NBAS: variants seen among roughly 807,000 people sequenced by gnomAD.
NBAS encodes the protein NBAS subunit of NRZ tethering complex.
NBAS carries 219 observed loss-of-function variants against 302.5 expected under a neutral mutation model. That is an observed-to-expected ratio of 0.72 (90% CI 0.65 to 0.81). The LOEUF (loss-of-function observed/expected upper bound fraction) is 0.81, where lower values mean the gene tolerates loss of function less well. Ranked by LOEUF, NBAS falls within the 30% of genes least tolerant of loss-of-function variation. The pLI is 0.00. For synonymous variants in NBAS, 1,118 were observed against 1,021.6 expected, an observed-to-expected ratio of 1.09 and a Z score of -1.80; for missense variants, 2,932 against 2,841.6, an observed-to-expected ratio of 1.03 and a Z score of -0.72.
chr2:15,278,930 A>G (rs985721363), intron 42 of NBAS, among the ~76,000 whole-genome samples: 3 of 152,216 alleles, frequency 2.0e-5, no homozygotes, highest in African/African-American at 7.2e-5. Flanking sequence ...CGCCTGTACA[A>G]GGAACAGTGA....
Position 15,415,727 on chromosome 2 carries a change from T to C in NBAS, c.2764-8A>G, listed in dbSNP as rs761756474. On this transcript the variant is annotated splice_polypyrimidine_tract_variant and splice_region_variant and intron_variant, in intron 24 of 51. Coordinates refer to ENST00000281513, the MANE Select transcript of NBAS (RefSeq NM_015909.4). ...ATATTTATCCTCAGAACACTGAAAG[T>C]ACAATCAAGCAAAACAGACAAACAA... The C allele has an allele frequency of 1.2e-6, 2 of 1,614,020 alleles. No homozygotes were observed. The highest frequency in any genetic ancestry group is 1.7e-6 in the Non-Finnish European group (2 of 1,179,928).
the NBAS span, among the ~76,000 whole-genome samples, chr2:14,943,837 T>C: frequency 2.0e-5 from 3 of 151,930 alleles, no homozygotes; most frequent in African/African-American, 7.3e-5. Context: ...TATTTTCCAA[T>C]AGGATTTGAG....
chr2:14,909,567 C>T, the NBAS span, among the ~76,000 whole-genome samples: 2 of 152,132 alleles, frequency 1.3e-5, no homozygotes. Flanking sequence ...CTACCAGAAT[C>T]TCATGATTCT....
intron 38 of NBAS, 65 bp from the exon 39 acceptor site, chr2:15,309,312 C>T: frequency 2.2e-6 from 3 of 1,357,168 alleles, no homozygotes; most frequent in Non-Finnish European, 3.1e-6. Flanking sequence ...TTATTAAATG[C>T]CATGTTTTCA....
chr2:15,019,286 A>G, the NBAS span, among the ~76,000 whole-genome samples: 1 of 152,206 alleles, frequency 6.6e-6, no homozygotes, highest in African/African-American at 2.4e-5. Context: ...AATTGTAGAA[A>G]TTTATTCTGG....
chr2:15,425,464 C>T (rs1677421790), intron 22 of NBAS, among the ~76,000 whole-genome samples: 1 of 152,136 alleles, frequency 6.6e-6, no homozygotes, highest in Admixed American at 6.5e-5. Context: ...TTCAAAATAA[C>T]AGAGCACTGC....
chr2:15,441,582 GAAGAAACTGCATC>G (rs1678409746), intron 21 of NBAS, among the ~76,000 whole-genome samples: 1 of 151,476 alleles, frequency 6.6e-6, no homozygotes, highest in African/African-American at 2.4e-5. Context: ...TCGAGACTAG[GAAGAAACTGCATC>G]AACTAACGAG....
chr2:15,282,787 T>C (rs73915095), intron 42 of NBAS, among the ~76,000 whole-genome samples: 1 of 152,152 alleles, frequency 6.6e-6, no homozygotes, highest in African/African-American at 2.4e-5. Context: ...TAAAGACATG[T>C]CCTGTCCTCC....
At chr2:15,552,868 C>T (rs912507474) in intron 5 of NBAS, among the ~76,000 whole-genome samples, 1 of 151,332 alleles carries the variant, frequency 6.6e-6, no homozygotes, top group Non-Finnish European at 1.5e-5. Flanking sequence ...TCTCGGCTCA[C>T]TGCAACTAGT....
the NBAS span, among the ~76,000 whole-genome samples, chr2:14,961,728 G>A: frequency 6.6e-6 from 1 of 152,110 alleles, no homozygotes; most frequent in Non-Finnish European, 1.5e-5. Flanking sequence ...TTATAATTTA[G>A]GAAACTGAGG....
At chr2:15,241,553 C>T (rs1667867176) in intron 44 of NBAS, among the ~76,000 whole-genome samples, 1 of 152,148 alleles carries the variant, frequency 6.6e-6, no homozygotes, top group Non-Finnish European at 1.5e-5. Flanking sequence ...GGAAACTTGA[C>T]AAAGTGCTTC....
the NBAS span, among the ~76,000 whole-genome samples, chr2:14,784,671 G>C: frequency 4.7e-4 from 72 of 152,166 alleles, no homozygotes; most frequent in African/African-American, 1.7e-3. Flanking sequence ...CTGTTCCATT[G>C]ATATATATCT....
At chr2:14,846,688 T>C in the NBAS span, among the ~76,000 whole-genome samples, 3 of 152,068 alleles carry the variant, frequency 2.0e-5, no homozygotes, top group South Asian at 2.1e-4. Flanking sequence ...GGTAAAGTTA[T>C]AGAGTTTTTA....
chr2:15,474,710 G>A (rs1680114083), intron 14 of NBAS, among the ~76,000 whole-genome samples: 1 of 152,046 alleles, frequency 6.6e-6, no homozygotes, highest in South Asian at 2.1e-4. Context: ...ACAGGCACCC[G>A]CCACCACGCC....
the NBAS span, among the ~76,000 whole-genome samples, chr2:14,955,122 T>A: frequency 1.3e-5 from 2 of 152,196 alleles, no homozygotes; most frequent in African/African-American, 4.8e-5. Context: ...CTATTCCAAA[T>A]GGGAGAAATT....
intron 2 of NBAS, 53 bp downstream of exon 2, chr2:15,558,527 C>T: frequency 3.4e-6 from 5 of 1,467,456 alleles, no homozygotes; most frequent in Non-Finnish European, 4.7e-6. Flanking sequence ...GTCTAAAGAA[C>T]ACATTTTAAC....
At chr2:15,476,985 T>A (rs896787884) in intron 13 of NBAS, among the ~76,000 whole-genome samples, 3 of 152,176 alleles carry the variant, frequency 2.0e-5, no homozygotes, top group Non-Finnish European at 4.4e-5. Context: ...AACAACACTT[T>A]TTCCCCATGT....
At chr2:14,941,784 CT>C in the NBAS span, among the ~76,000 whole-genome samples, 3 of 152,216 alleles carry the variant, frequency 2.0e-5, no homozygotes, top group African/African-American at 7.2e-5. Context: ...TGTTATCAGA[CT>C]GCGGATTTAG....
intron 44 of NBAS, among the ~76,000 whole-genome samples, chr2:15,242,610 G>T (rs565535788): frequency 5.3e-5 from 8 of 150,178 alleles, no homozygotes; most frequent in Non-Finnish European, 1.2e-4. Flanking sequence ...AGAAGTAAAA[G>T]AAAGAAATGA....
Sources: allele counts gnomAD v4.1 joint callset (sites outside exome capture counted in the v4.1 genomes callset), GRCh38; gene constraint gnomAD v4.1.1; transcripts MANE v1.5; gene names NCBI Gene and HGNC (gene_info 2026-07-23, HGNC 2026-07-21).